Variants in CERKL observed in about 807,000 individuals in gnomAD.
CERKL encodes the protein ceramide kinase-like protein.
In CERKL, 61 loss-of-function variants were observed where a neutral mutation model predicts 63.4. The observed-to-expected ratio is 0.96, with a 90% CI of 0.78 to 1.19. CERKL has a LOEUF of 1.19. CERKL is among the 50% of genes most tolerant of loss of function. The pLI is 0.00. For missense variants in CERKL, 675 were observed against 655.5 expected (o/e 1.03, Z -0.33); for synonymous variants, 250 against 230.5 (o/e 1.08, Z -0.77).
rs72889314 is a variant in CERKL, at chr2:181,651,914, A to T, written c.238+4855T>A. ...ACAATTCCATTTATAGTACTTTTTT[A>T]AAAAAAAAGATACCTAGAAATAAAC... On this transcript the variant is annotated intron_variant, in intron 1 of 12. Coordinates refer to ENST00000410087, the MANE Select transcript of CERKL (RefSeq NM_201548.5). Among the ~76,000 whole-genome samples, 352 of 85,838 alleles carry T rather than the reference A, an allele frequency of 4.1e-3. 4 individuals carry two copies. The highest frequency in any genetic ancestry group is 0.014 in the African/African-American group (149 of 10,946). The allele number at this position is 85,838 out of a possible 152,430, so 56.3% of individuals were successfully genotyped here. A position where few individuals can be genotyped will look rare whatever the true frequency, so the allele number is the denominator to read the frequency against.
intron 2 of CERKL, among the ~76,000 whole-genome samples, chr2:181,585,155 A>T (rs73975405): frequency 2.0e-5 from 3 of 152,224 alleles, no homozygotes; most frequent in African/African-American, 7.2e-5. Flanking sequence ...TTGACATAAT[A>T]GAAATACATT....
intron 2 of CERKL, among the ~76,000 whole-genome samples, chr2:181,578,776 T>C (rs1684372753): frequency 6.6e-6 from 1 of 152,054 alleles, no homozygotes; most frequent in South Asian, 2.1e-4. Flanking sequence ...CTGCCTCATA[T>C]TCATCTGGAT....
intron 10 of CERKL, 83 bp from the exon 11 acceptor site, chr2:181,544,879 A>C (rs1687655941): frequency 2.6e-6 from 2 of 761,494 alleles, no homozygotes; most frequent in Admixed American, 4.7e-5. Flanking sequence ...TCCTTATAAC[A>C]AGTATACTGT....
intron 1 of CERKL, among the ~76,000 whole-genome samples, chr2:181,632,475 T>A (rs1687005614): frequency 6.6e-6 from 1 of 152,176 alleles, no homozygotes; most frequent in African/African-American, 2.4e-5. Context: ...ATTCTTCAAT[T>A]TCCGATGATA....
chr2:181,647,398 G>C (rs748060496), intron 1 of CERKL, among the ~76,000 whole-genome samples: 1 of 152,216 alleles, frequency 6.6e-6, no homozygotes, highest in African/African-American at 2.4e-5. Context: ...TCAGCCCTCC[G>C]AGCCTGCAAG....
In CERKL at chr2:181,550,056, G is replaced by C. The variant is rs1020444306; in HGVS notation, c.821-348C>G. ...CCCAACCTTAATGAATGGGTTTTTA[G>C]CTTCAATGCCAAAATGAGGTGCCTC... On this transcript the variant is annotated intron_variant, in intron 5 of 12. Coordinates refer to ENST00000410087, the MANE Select transcript of CERKL (RefSeq NM_201548.5). The surrounding 1 kb of genome is among the most constrained non-coding windows in gnomAD (Gnocchi z 4.5). Among the ~76,000 whole-genome samples, 1 of 152,034 alleles carries C rather than the reference G, an allele frequency of 6.6e-6. No homozygotes were observed. Among genetic ancestry groups the C allele is most frequent in the African/African-American group, 2.4e-5 (1 of 41,400 alleles).
At chr2:181,561,534 G>A (rs1688442264) in intron 4 of CERKL, among the ~76,000 whole-genome samples, 1 of 151,974 alleles carries the variant, frequency 6.6e-6, no homozygotes, top group Non-Finnish European at 1.5e-5. Flanking sequence ...GGAAATCAAA[G>A]TATTTTATCC....
At chr2:181,589,796 T>C (rs1684913135) in intron 2 of CERKL, among the ~76,000 whole-genome samples, 1 of 152,122 alleles carries the variant, frequency 6.6e-6, no homozygotes, top group African/African-American at 2.4e-5. Flanking sequence ...AAAGAAAAAG[T>C]GTGTAAATTT....
chr2:181,576,985 C>T (rs1684257406), intron 2 of CERKL, among the ~76,000 whole-genome samples: 1 of 152,154 alleles, frequency 6.6e-6, no homozygotes, highest in African/African-American at 2.4e-5. Flanking sequence ...CTGGCATATT[C>T]ATCAGAATTA....
rs761164713 is a variant in CERKL, at chr2:181,656,920, A to G, written c.87T>C (p.Pro29=). The part of the protein sequence containing the change: ...EEAPPEAAAV[P]PALLTSPQQT... The stretch of plus-strand genomic sequence containing the variant: ...GCTGCGGGGACGTTAACAGCGCCGG[A>G]GGCACAGCGGCAGCCTCCGGGGGCG... The change falls in exon 1 of 13, where the codon CCT becomes CCC. Residue 29 remains proline, a synonymous_variant. Coordinates refer to ENST00000410087, the MANE Select transcript of CERKL (RefSeq NM_201548.5). 3.8e-6 allele frequency: 6 copies of G among 1,598,550 alleles called. No homozygotes were observed. The highest frequency in any genetic ancestry group is 5.1e-6 in the Non-Finnish European group (6 of 1,171,640).
In CERKL at chr2:181,539,164, G is replaced by C. The variant is rs768292284; in HGVS notation, c.1466C>G (p.Thr489Ser). Residue 489 changes from threonine to serine, a missense_variant, in exon 12 of 13, where the codon ACT becomes AGT. Physicochemically the swap from Thr to Ser is moderately conservative, Grantham distance 58. Transcript: ENST00000410087. ...GYNPEEEEDE[T>S]ASENCFPWNV... ...CCAAGGGAAACAATTTTCTGAAGCA[G>C]TTTCATCCTCCTCCTCCTCTGGATT... 137 of 1,609,108 alleles carry C rather than the reference G, an allele frequency of 8.5e-5. No homozygotes were observed. The East Asian group carries it at 3.0e-3, about 36-fold the overall frequency.
At chr2:181,603,166 G>A (rs890756187) in intron 2 of CERKL, 1 of 232,978 alleles carries the variant, frequency 4.3e-6, no homozygotes, top group Admixed American at 4.6e-5. Context: ...ATAAAGCATG[G>A]CCTCTTAAGA....
At chr2:181,604,168 G>C (rs1253011490) in intron 1 of CERKL, 89 bp from the exon 2 acceptor site, 4 of 1,046,868 alleles carry the variant, frequency 3.8e-6, no homozygotes, top group Non-Finnish European at 5.7e-6. Flanking sequence ...GGTAGAAAGT[G>C]AGCAAAGGGA....
intron 1 of CERKL, chr2:181,649,512 CACAG>C (rs1231537306): frequency 6.6e-6 from 1 of 152,146 alleles, no homozygotes; most frequent in Non-Finnish European, 1.5e-5. Flanking sequence ...CACAAACACA[CACAG>C]AGAGATCAAG....
chr2:181,621,608 A>T (rs1415993313), intron 1 of CERKL, among the ~76,000 whole-genome samples: 1 of 151,542 alleles, frequency 6.6e-6, no homozygotes, highest in Non-Finnish European at 1.5e-5. Context: ...CATGCCTTTC[A>T]TCATAACACA....
Position 181,604,175 on chromosome 2 carries a change from G to C in CERKL, c.239-96C>G, listed in dbSNP as rs1055174384. ...TACCAGAGGGTAGAAAGTGAGCAAA[G>C]GGAGAGGATCAAGAAAAATAACTAA... is the stretch of plus-strand genomic sequence containing the variant. On this transcript the variant is annotated intron_variant, in intron 1 of 12. Coordinates refer to ENST00000410087, the MANE Select transcript of CERKL (RefSeq NM_201548.5). The C allele has an allele frequency of 9.0e-6, 9 of 999,344 alleles. No individual in the cohort carries two copies. The Admixed American group carries it at 1.5e-4, about 17-fold the overall frequency. The allele number at this position is 999,344 out of a possible 1,614,324, so 61.9% of individuals were successfully genotyped here.
chr2:181,545,553 T>C (rs1178478708), intron 10 of CERKL, among the ~76,000 whole-genome samples: 1 of 152,198 alleles, frequency 6.6e-6, no homozygotes, highest in Non-Finnish European at 1.5e-5. Flanking sequence ...CTTAGTATCT[T>C]ATGAAAGCTC....
At chr2:181,582,031 G>C (rs1684535833) in intron 2 of CERKL, among the ~76,000 whole-genome samples, 1 of 152,126 alleles carries the variant, frequency 6.6e-6, no homozygotes, top group Admixed American at 6.5e-5. Context: ...CTCATTTTCT[G>C]TTCTTATTCT....
intron 1 of CERKL, among the ~76,000 whole-genome samples, chr2:181,647,425 T>C (rs386499232): frequency 7.9e-4 from 121 of 152,278 alleles, no homozygotes; most frequent in Non-Finnish European, 1.2e-3. Flanking sequence ...GCCTGACAAC[T>C]AGCATGACAT....
Sources: gnomAD v4.1 joint callset for allele counts (sites outside exome capture counted in the v4.1 genomes callset) on GRCh38, gnomAD v4.1.1 for gene constraint, Gnocchi (gnomAD v3.1) non-coding constraint, MANE v1.5 for transcripts, NCBI Gene and HGNC (gene_info 2026-07-23, HGNC 2026-07-21) for gene names.